CACNA1C: variants seen among roughly 807,000 people sequenced by gnomAD.
CACNA1C encodes calcium voltage-gated channel subunit alpha1 C.
Under a neutral mutation model 229.0 loss-of-function variants are expected in CACNA1C, and 30 were observed. The observed-to-expected ratio is 0.13, with a 90% CI of 0.10 to 0.18. CACNA1C has a LOEUF of 0.18. Ranked by LOEUF, CACNA1C falls within the 10% of genes least tolerant of loss-of-function variation. The pLI is 1.00. For missense variants in CACNA1C, 1,658 were observed against 2,845.0 expected (o/e 0.58, Z 9.49); for synonymous variants, 1,114 against 1,132.5 (o/e 0.98, Z 0.33).
intron 7 of CACNA1C, among the ~76,000 whole-genome samples, chr12:2,503,591 A>G (rs1040463422): frequency 6.6e-6 from 1 of 152,172 alleles, no homozygotes; most frequent in Non-Finnish European, 1.5e-5. Context: ...TCTGTGGTGT[A>G]AATACTTCCA....
intron 1 of CACNA1C, among the ~76,000 whole-genome samples, chr12:2,062,527 C>T (rs1392694224): frequency 6.6e-6 from 1 of 152,192 alleles, no homozygotes; most frequent in Non-Finnish European, 1.5e-5. Context: ...TTGTCCTTGC[C>T]TTCTGGAACC....
intron 9 of CACNA1C, among the ~76,000 whole-genome samples, chr12:2,516,734 A>C (rs1049976870): frequency 6.6e-6 from 1 of 152,182 alleles, no homozygotes; most frequent in African/African-American, 2.4e-5. Flanking sequence ...GGGCAGGAGG[A>C]TCAGGAAAGC....
At position 2,653,765 on chromosome 12, in the gene CACNA1C, G is replaced by A. The variant is rs143810733; in HGVS notation, c.4075-70G>A. On this transcript the variant is annotated intron_variant, in intron 32 of 46. Coordinates refer to ENST00000399655, the MANE Select transcript of CACNA1C (RefSeq NM_000719.7). This position sits in a 1 kb window ranked among gnomAD's most constrained non-coding sequence, Gnocchi z 4.7. ...ATGGCTGCAGAGACAGGGATGCGGC[G>A]CTCCCTGGGAAGGGGCCCAGCTGGC... The A allele has an allele frequency of 4.6e-4, 615 of 1,334,268 alleles. 5 individuals carry two copies. In the African/African-American group the frequency reaches 7.6e-3, roughly 16 times the overall value. The allele number at this position is 1,334,268 out of a possible 1,614,324, so 82.7% of individuals were successfully genotyped here.
intron 1 of CACNA1C, among the ~76,000 whole-genome samples, chr12:2,087,459 A>G (rs552659049): frequency 2.9e-4 from 44 of 152,354 alleles, no homozygotes; most frequent in Middle Eastern, 3.4e-3. Context: ...AGCCAAAAGT[A>G]TCCATGCTGT....
At chr12:2,173,386 A>T (rs2096553393) in intron 3 of CACNA1C, among the ~76,000 whole-genome samples, 1 of 152,216 alleles carries the variant, frequency 6.6e-6, no homozygotes, top group Admixed American at 6.5e-5. Context: ...TTCTTACCCC[A>T]CAAGAGCTTA....
chr12:2,053,154 G>C lies in CACNA1C; in HGVS notation c.-409G>C. 2 of 989,122 alleles carry C rather than the reference G, an allele frequency of 2.0e-6. No homozygotes were observed. Among genetic ancestry groups the C allele is most frequent in the Non-Finnish European group, 2.4e-6 (2 of 832,634 alleles). 61.3% of individuals were successfully genotyped at this position (989,122 alleles called of 1,614,324 possible). A position where few individuals can be genotyped will look rare whatever the true frequency, so the allele number is the denominator to read the frequency against. On this transcript the variant is annotated 5_prime_UTR_variant, in exon 1 of 47. Coordinates refer to ENST00000399655, the MANE Select transcript of CACNA1C (RefSeq NM_000719.7). The surrounding 1 kb of genome is among the most constrained non-coding windows in gnomAD (Gnocchi z 5.8). ...CAGGGGCCTCAGGAGGACTCGCTGG[G>C]AGTGGGCAGAGGCGCCTCGGCCCCT...
At chr12:2,497,651 C>G (rs1432228485) in intron 7 of CACNA1C, among the ~76,000 whole-genome samples, 2 of 152,194 alleles carry the variant, frequency 1.3e-5, no homozygotes, top group African/African-American at 2.4e-5. Flanking sequence ...CCACCCTCTT[C>G]CTGACACCAC....
In CACNA1C at chr12:2,200,337, G is replaced by A. The variant is rs538630487; in HGVS notation, c.477+79907G>A. On this transcript the variant is annotated intron_variant, in intron 3 of 46. Transcript: ENST00000399655. ...ACCAAGTGTCAGGCACTATTCTAGAGCAGTGGCTCTAACCTAGGGATGATT... is the reference window on the plus strand; with the variant it reads ...ACCAAGTGTCAGGCACTATTCTAGAACAGTGGCTCTAACCTAGGGATGATT... 2.0e-4 allele frequency among the ~76,000 whole-genome samples: 30 copies of A among 152,320 alleles called. No individual in the cohort carries two copies. The South Asian group carries it at 6.0e-3, about 31-fold the overall frequency.
intron 3 of CACNA1C, among the ~76,000 whole-genome samples, chr12:2,230,607 G>A (rs1218918346): frequency 6.6e-6 from 1 of 152,176 alleles, no homozygotes; most frequent in Non-Finnish European, 1.5e-5. Context: ...CCTGCTGACC[G>A]GGCTCTTCCC....
rs990673120 is a variant in CACNA1C at position 2,285,282 on chromosome 12, A to T, written c.478-163694A>T. On this transcript the variant is annotated intron_variant, in intron 3 of 46. Coordinates refer to ENST00000399655, the MANE Select transcript of CACNA1C (RefSeq NM_000719.7). This position sits in a 1 kb window ranked among gnomAD's most constrained non-coding sequence, Gnocchi z 4.2. ...GGCATTCAATGTCATCACATTGATA[A>T]CTTGAAATGGGCAGTAGTGGGAACA... Among the ~76,000 whole-genome samples the T allele has an allele frequency of 6.6e-6, 1 of 152,206 alleles. No homozygotes were observed. Among genetic ancestry groups the T allele is most frequent in the Non-Finnish European group, 1.5e-5 (1 of 68,032 alleles).
intron 32 of CACNA1C, among the ~76,000 whole-genome samples, chr12:2,652,201 T>TTA (rs1195289198): frequency 2.0e-5 from 3 of 152,172 alleles, no homozygotes; most frequent in Non-Finnish European, 4.4e-5. Flanking sequence ...CCGTAGGCGT[T>TTA]TCAGCAGCAT....
At chr12:2,000,874 T>C (rs1435764766) in intron 1 of CACNA1C, among the ~76,000 whole-genome samples, 4 of 152,048 alleles carry the variant, frequency 2.6e-5, no homozygotes, top group Admixed American at 6.6e-5. Flanking sequence ...CCGTCTCTAC[T>C]AAAAATGCAA....
At position 2,605,327 on chromosome 12, in the gene CACNA1C, T is replaced by C. The variant is rs2074816866; in HGVS notation, c.3048+159T>C. ...CCCACTGCATGTCCCGGTTCCGTAA[T>C]GAACAGAATAGTAACAGAGGCAGCC... On this transcript the variant is annotated intron_variant, in intron 23 of 46. Transcript: ENST00000399655. The surrounding 1 kb of genome is among the most constrained non-coding windows in gnomAD (Gnocchi z 6.2). Among the ~76,000 whole-genome samples the C allele has an allele frequency of 6.6e-6, 1 of 152,254 alleles. No individual in the cohort carries two copies. Among genetic ancestry groups the C allele is most frequent in the East Asian group, 1.9e-4 (1 of 5,168 alleles).
At chr12:2,028,506 TA>T (rs2047700029) in intron 1 of CACNA1C, among the ~76,000 whole-genome samples, 1 of 152,238 alleles carries the variant, frequency 6.6e-6, no homozygotes, top group Non-Finnish European at 1.5e-5. Flanking sequence ...AATGTTCTTT[TA>T]TTATCCTATT....
rs562819938 is a variant in CACNA1C, at chr12:2,033,849, G to A, written c.139+62648G>A. ...ATGTCTAGCATTCCAAATAGAGGTG[G>A]TGAGAGTTTGCCTGGCCCTGGCCAT... On this transcript the variant is annotated intron_variant, in intron 1 of 46. Coordinates refer to the CACNA1C transcript ENST00000682462. 3.3e-5 allele frequency among the ~76,000 whole-genome samples: 5 copies of A among 152,344 alleles called. 1 individual carries two copies. The South Asian group carries it at 1.0e-3, about 32-fold the overall frequency.
chr12:2,507,556 A>G (rs774788340), intron 8 of CACNA1C, among the ~76,000 whole-genome samples: 4 of 152,244 alleles, frequency 2.6e-5, no homozygotes, highest in Non-Finnish European at 1.5e-5. Flanking sequence ...CTTCTGATTA[A>G]GCTACACTTC....
rs2092930547 is a variant in CACNA1C at position 2,287,830 on chromosome 12, G to C, written c.478-161146G>C. On this transcript the variant is annotated intron_variant, in intron 3 of 46. Transcript: ENST00000399655. The surrounding 1 kb of genome is among the most constrained non-coding windows in gnomAD (Gnocchi z 4.6). ...ACAAGCTCCCAGGTGACTCGCTGCT[G>C]CTGGCCTGGGACCACACTTTGGAAA... Among the ~76,000 whole-genome samples the C allele has an allele frequency of 6.6e-6, 1 of 152,156 alleles. No homozygotes were observed. The highest frequency in any genetic ancestry group is 2.1e-4 in the South Asian group (1 of 4,824).
At chr12:2,545,343 T>A (rs1175341176) in intron 9 of CACNA1C, among the ~76,000 whole-genome samples, 1 of 152,022 alleles carries the variant, frequency 6.6e-6, no homozygotes, top group East Asian at 1.9e-4. Flanking sequence ...TCTCTTGTAG[T>A]TGTAAGAGGA....
intron 7 of CACNA1C, among the ~76,000 whole-genome samples, chr12:2,502,759 G>A (rs957087308): frequency 3.9e-5 from 6 of 152,284 alleles, no homozygotes; most frequent in Non-Finnish European, 5.9e-5. Context: ...TTTATCCAGC[G>A]TACTTAGACA....
Sources: gnomAD v4.1 joint callset for allele counts (sites outside exome capture counted in the v4.1 genomes callset) on GRCh38, gnomAD v4.1.1 for gene constraint, Gnocchi (gnomAD v3.1) non-coding constraint, MANE v1.5 for transcripts, NCBI Gene and HGNC (gene_info 2026-07-23, HGNC 2026-07-21) for gene names.